The following PPME1 variants were observed in gnomAD, a reference collection of about 807,000 sequenced individuals.
PPME1 encodes the protein protein phosphatase methylesterase 1.
A neutral mutation model predicts 56.9 loss-of-function variants in PPME1; 17 were observed. The ratio of observed to expected loss-of-function variants is 0.30; its 90% CI spans 0.20 to 0.45. PPME1 has a LOEUF of 0.45. PPME1 is among the 20% of genes least tolerant of loss of function. The pLI is 1.00. For synonymous variants in PPME1, 122 were observed against 156.2 expected, an observed-to-expected ratio of 0.78 and a Z score of 1.63; for missense variants, 357 against 483.2, an observed-to-expected ratio of 0.74 and a Z score of 2.45.
intron 1 of PPME1, among the ~76,000 whole-genome samples, chr11:74,171,904 GA>G (rs1857249764): frequency 6.6e-6 from 1 of 152,140 alleles, no homozygotes; most frequent in Admixed American, 6.5e-5. Flanking sequence ...GAGAAAAGTT[GA>G]GGGGAATTGG....
intron 3 of PPME1, among the ~76,000 whole-genome samples, chr11:74,204,695 G>C (rs1441582287): frequency 1.3e-5 from 2 of 152,054 alleles, no homozygotes; most frequent in African/African-American, 4.8e-5. Flanking sequence ...AAGGTTTGGG[G>C]AGAAAAAGAA....
chr11:74,246,052 C>T, intron 9 of PPME1, 24 bp from the exon 10 acceptor site: 2 of 1,571,038 alleles, frequency 1.3e-6, no homozygotes, highest in South Asian at 1.2e-5. Flanking sequence ...CTCGGAGACT[C>T]AGAACTTGCT....
At chr11:74,182,683 C>A (rs1857571462) in intron 1 of PPME1, among the ~76,000 whole-genome samples, 1 of 152,128 alleles carries the variant, frequency 6.6e-6, no homozygotes, top group South Asian at 2.1e-4. Flanking sequence ...ACATGGTTCT[C>A]ATTGCCTGAA....
chr11:74,222,410 C>G (rs1255064103), intron 4 of PPME1, 41 bp downstream of exon 4: 1 of 1,490,446 alleles, frequency 6.7e-7, no homozygotes, highest in African/African-American at 1.4e-5. Context: ...GGATTATAGT[C>G]ATCAAGCCCC....
chr11:74,223,213 A>G lies in PPME1; in HGVS notation c.346+844A>G, dbSNP rs1190000265. ...CGGTGTTTGGTTTTTTGTGCTTGCG[A>G]TAGTTTACTGAGAATGATGATTTCC... is the stretch of plus-strand genomic sequence containing the variant. On this transcript the variant is annotated intron_variant, in intron 4 of 13. Coordinates refer to ENST00000328257, the MANE Select transcript of PPME1 (RefSeq NM_016147.3). 6.6e-5 allele frequency among the ~76,000 whole-genome samples: 10 copies of G among 151,302 alleles called. No individual in the cohort carries two copies. In the South Asian group the frequency reaches 8.3e-4, roughly 13 times the overall value.
chr11:74,235,773 T>TGA, intron 7 of PPME1, 128 bp from the exon 8 acceptor site: 1 of 1,441,540 alleles, frequency 6.9e-7, no homozygotes, highest in South Asian at 1.4e-5. Context: ...ATCTCTATAG[T>TGA]AAGAAACACT....
At chr11:74,209,030 G>T (rs895876091) in intron 3 of PPME1, among the ~76,000 whole-genome samples, 1 of 152,134 alleles carries the variant, frequency 6.6e-6, no homozygotes, top group Non-Finnish European at 1.5e-5. Context: ...TATAGAAGGG[G>T]CTTGTATACC....
At chr11:74,248,362 C>G (rs1484142679) in intron 11 of PPME1, 2 of 152,412 alleles carry the variant, frequency 1.3e-5, no homozygotes, top group South Asian at 2.1e-4. Flanking sequence ...CCTCACCCCT[C>G]TCTCCTGAGA....
chr11:74,173,496 A>G (rs1345956915), intron 1 of PPME1, among the ~76,000 whole-genome samples: 1 of 152,148 alleles, frequency 6.6e-6, no homozygotes, highest in East Asian at 1.9e-4. Flanking sequence ...TGATTAGAAG[A>G]TTGTATAATT....
chr11:74,247,258 C>G (rs1483346418), intron 11 of PPME1, 135 bp downstream of exon 11: 13 of 652,660 alleles, frequency 2.0e-5, no homozygotes, highest in Non-Finnish European at 3.2e-5. Flanking sequence ...ACATCCGCCT[C>G]TACTCCTAAC....
At chr11:74,225,402 G>T in intron 5 of PPME1, 146 bp downstream of exon 5, 1 of 550,598 alleles carries the variant, frequency 1.8e-6, no homozygotes, top group Non-Finnish European at 3.0e-6. Flanking sequence ...CTCTACTTCT[G>T]GTTTCTCCTT....
chr11:74,190,419 C>T (rs1185657192), intron 1 of PPME1, among the ~76,000 whole-genome samples: 2 of 152,152 alleles, frequency 1.3e-5, no homozygotes, highest in East Asian at 3.8e-4. Context: ...GGCTCCCACT[C>T]TTGCCATGTG....
At chr11:74,233,662 TA>T (rs1360745128) in intron 7 of PPME1, among the ~76,000 whole-genome samples, 4 of 151,656 alleles carry the variant, frequency 2.6e-5, no homozygotes, top group East Asian at 1.9e-4. Flanking sequence ...AAAATATATA[TA>T]TTTTTTTAAT....
chr11:74,191,248 G>A (rs757368897), intron 1 of PPME1, among the ~76,000 whole-genome samples: 2 of 152,208 alleles, frequency 1.3e-5, no homozygotes, highest in Non-Finnish European at 1.5e-5. Flanking sequence ...GCTGAGGCAG[G>A]ATGATCACTG....
At chr11:74,208,849 G>A (rs1376275984) in intron 3 of PPME1, among the ~76,000 whole-genome samples, 1 of 152,200 alleles carries the variant, frequency 6.6e-6, no homozygotes, top group Non-Finnish European at 1.5e-5. Flanking sequence ...GGGAAGGCAT[G>A]CCAAGAAAAG....
At chr11:74,190,649 A>C in intron 1 of PPME1, among the ~76,000 whole-genome samples, 1 of 152,264 alleles carries the variant, frequency 6.6e-6, no homozygotes, top group African/African-American at 2.4e-5. Context: ...GTTGCTATAA[A>C]GATAACTGAA....
intron 1 of PPME1, among the ~76,000 whole-genome samples, chr11:74,181,806 T>C (rs1048586382): frequency 2.0e-5 from 3 of 152,264 alleles, no homozygotes; most frequent in Non-Finnish European, 4.4e-5. Context: ...TATTTTAGGC[T>C]TTGTGGGCCA....
intron 7 of PPME1, among the ~76,000 whole-genome samples, chr11:74,233,889 G>T (rs1413559904): frequency 2.0e-5 from 3 of 152,172 alleles, no homozygotes; most frequent in African/African-American, 7.2e-5. Context: ...TTGCATCTTG[G>T]TTACACCACT....
intron 4 of PPME1, among the ~76,000 whole-genome samples, chr11:74,223,043 C>T (rs1220603520): frequency 3.3e-5 from 5 of 151,152 alleles, no homozygotes; most frequent in African/African-American, 7.3e-5. Context: ...CTGCACCCAC[C>T]AACTCGTCAT....
Sources: allele counts gnomAD v4.1 joint callset (sites outside exome capture counted in the v4.1 genomes callset), GRCh38; gene constraint gnomAD v4.1.1; transcripts MANE v1.5; gene names NCBI Gene and HGNC (gene_info 2026-07-23, HGNC 2026-07-21).